The following ZBTB4 variants were observed in gnomAD, a reference collection of about 807,000 sequenced individuals.
ZBTB4 encodes the protein zinc finger and BTB domain containing 4, also known as zinc finger and BTB domain-containing protein 4.
ZBTB4 carries 14 observed loss-of-function variants against 59.8 expected under a neutral mutation model. The ratio of observed to expected loss-of-function variants is 0.23; its 90% CI spans 0.15 to 0.37. ZBTB4 has a LOEUF of 0.37. Among genes scored for constraint, ZBTB4 ranks in the 10% least tolerant of loss-of-function variants. ZBTB4 has a pLI of 1.00. For synonymous variants in ZBTB4, 587 were observed against 575.2 expected (o/e 1.02, Z -0.29); for missense variants, 1,198 against 1,380.8 (o/e 0.87, Z 2.10).
At chr17:7,481,428 C>T, upstream of ZBTB4, 2 of 1,375,356 alleles carry the variant, frequency 1.5e-6, no homozygotes, top group Non-Finnish European at 1.9e-6. Flanking sequence ...GGAAGAACCC[C>T]ACCCCCACTC....
At chr17:7,472,665 G>A (rs2070214760) in intron 1 of ZBTB4, among the ~76,000 whole-genome samples, 1 of 88,372 alleles carries the variant, frequency 1.1e-5, no homozygotes, top group Non-Finnish European at 2.0e-5. Context: ...TTTTTGAGAT[G>A]AGGTCTCACT....
chr17:7,481,581 C>T (rs1268552266), upstream of ZBTB4: 3 of 1,243,804 alleles, frequency 2.4e-6, no homozygotes, highest in South Asian at 1.6e-5. Context: ...CTCCATTTCC[C>T]CTCCTTTCCT....
In ZBTB4 at chr17:7,461,022, CAG is replaced by C. The variant is rs1304869550; in HGVS notation, c.*916_*917del. On this transcript the variant is annotated 3_prime_UTR_variant, in exon 4 of 4. Transcript: ENST00000380599. ...GGGAGAAACCATCAGGAAAAAAAAA[CAG>C]GGAGAAAGTAGATTCCCTTCTCCAT... is the stretch of plus-strand genomic sequence containing the variant. 1.3e-5 allele frequency: 2 copies of C among 152,582 alleles called. No homozygotes were observed. Among genetic ancestry groups the C allele is most frequent in the Non-Finnish European group, 2.9e-5 (2 of 68,040 alleles). The allele number at this position is 152,582 out of a possible 1,614,324, so 9.5% of individuals were successfully genotyped here.
chr17:7,478,800 T>A (rs963495975), intron 1 of ZBTB4, among the ~76,000 whole-genome samples: 3 of 152,162 alleles, frequency 2.0e-5, no homozygotes, highest in Non-Finnish European at 4.4e-5. Context: ...CTGGACACCC[T>A]TCCTGGCTTT....
upstream of ZBTB4, chr17:7,484,131 A>G (rs886626830): frequency 1.3e-5 from 2 of 152,546 alleles, no homozygotes; most frequent in East Asian, 1.9e-4. Flanking sequence ...TCAAACCTTA[A>G]GCCTCAGTGC....
Position 7,462,016 on chromosome 17 carries a change from A to G in ZBTB4, c.2966T>C (p.Leu989Pro), listed in dbSNP as rs1322789566. 1 of 1,603,274 alleles carries G rather than the reference A, an allele frequency of 6.2e-7. No individual in the cohort carries two copies. Among genetic ancestry groups the G allele is most frequent in the East Asian group, 2.2e-5 (1 of 44,798 alleles). The change falls in exon 4 of 4, where the codon CTT becomes CCT. Residue 989 changes from leucine (L) to proline (P), a missense_variant. Around this residue, in one of 9 missense-constraint regions of ZBTB4, gnomAD observed 211 missense variants for 236.1 expected, o/e 0.89. Coordinates refer to ENST00000380599, the MANE Select transcript of ZBTB4 (RefSeq NM_001128833.2). The surrounding 1 kb of genome is among the most constrained non-coding windows in gnomAD (Gnocchi z 7.5). ...TCCCTTAGGGGGAATTGGTGGAGGAAGAGTTGGGGGAGGTGGTGTTGGTGG... is the reference window on the plus strand; with the variant it reads ...TCCCTTAGGGGGAATTGGTGGAGGAGGAGTTGGGGGAGGTGGTGTTGGTGG... ...PAPPTPPPPTLPPPIPPKGEG... is the reference protein window; with the variant it reads ...PAPPTPPPPTPPPPIPPKGEG...
intron 1 of ZBTB4, among the ~76,000 whole-genome samples, chr17:7,478,070 C>A (rs1188821169): frequency 1.3e-5 from 2 of 152,128 alleles, no homozygotes; most frequent in Non-Finnish European, 2.9e-5. Context: ...GGCAGGCACG[C>A]ACACACAGCC....
At chr17:7,483,323 G>C (rs1482346192), upstream of ZBTB4, 1 of 456,862 alleles carries the variant, frequency 2.2e-6, no homozygotes, top group Non-Finnish European at 4.0e-6. Flanking sequence ...GCAAAGAGAA[G>C]AGCATTGGGG....
In ZBTB4 at chr17:7,461,304, G is replaced by C. The variant is rs1567682523; in HGVS notation, c.*636C>G. ...ACCTGGCTTGGGAGAGGCCATCTCCGAAGTCCAGGAATATGGGGAGGAACA... is the reference window on the plus strand; with the variant it reads ...ACCTGGCTTGGGAGAGGCCATCTCCCAAGTCCAGGAATATGGGGAGGAACA... On this transcript the variant is annotated 3_prime_UTR_variant, in exon 4 of 4. Transcript: ENST00000380599. The C allele has an allele frequency of 6.5e-6, 1 of 152,710 alleles. No individual in the cohort carries two copies. Among genetic ancestry groups the C allele is most frequent in the African/African-American group, 2.4e-5 (1 of 41,456 alleles). The allele number at this position is 152,710 out of a possible 1,614,324, so 9.5% of individuals were successfully genotyped here.
chr17:7,481,393 T>A (rs2070343297), upstream of ZBTB4: 3 of 1,290,786 alleles, frequency 2.3e-6, no homozygotes, highest in Non-Finnish European at 3.0e-6. Flanking sequence ...AAAATAGGCG[T>A]GCTACCACCT....
In ZBTB4 at chr17:7,460,350, C is replaced by T. The variant is rs2070003138; in HGVS notation, c.*1590G>A. 1 of 152,640 alleles carries T rather than the reference C, an allele frequency of 6.6e-6. No individual in the cohort carries two copies. The highest frequency in any genetic ancestry group is 1.5e-5 in the Non-Finnish European group (1 of 68,050). 9.5% of individuals were successfully genotyped at this position (152,640 alleles called of 1,614,324 possible). ...GAGGGGTAGGAGGATGGTCCTGGCC[C>T]TCCCTAAACTCACCTCCCTCCAAAA... On this transcript the variant is annotated 3_prime_UTR_variant, in exon 4 of 4. Coordinates refer to ENST00000380599, the MANE Select transcript of ZBTB4 (RefSeq NM_001128833.2).
chr17:7,474,688 G>A (rs2070245367), intron 1 of ZBTB4, among the ~76,000 whole-genome samples: 1 of 152,090 alleles, frequency 6.6e-6, no homozygotes, highest in Non-Finnish European at 1.5e-5. Flanking sequence ...GGACTGAGTT[G>A]GCCTGGAGAT....
rs1179894440 is a variant in ZBTB4, at chr17:7,459,741, AT to A, written c.*2198del. On this transcript the variant is annotated 3_prime_UTR_variant, in exon 4 of 4. Coordinates refer to ENST00000380599, the MANE Select transcript of ZBTB4 (RefSeq NM_001128833.2). ...CTCATTTGTTGCCCAGAACCACCACATTCTGGAAGCTATTTTCCTTGATCAT... is the reference window on the plus strand; with the variant it reads ...CTCATTTGTTGCCCAGAACCACCACATCTGGAAGCTATTTTCCTTGATCAT... 1 of 152,452 alleles carries A rather than the reference AT, an allele frequency of 6.6e-6. No individual in the cohort carries two copies. Among genetic ancestry groups the A allele is most frequent in the African/African-American group, 2.4e-5 (1 of 41,358 alleles). 9.4% of individuals were successfully genotyped at this position (152,452 alleles called of 1,614,324 possible). A position where few individuals can be genotyped will look rare whatever the true frequency, so the allele number is the denominator to read the frequency against.
rs1235791160 is a variant in ZBTB4 at position 7,467,179 on chromosome 17, G to A, written c.-10+78C>T. On this transcript the variant is annotated intron_variant, in intron 2 of 3. Transcript: ENST00000380599. ...CCATTTCACAGAACTCCCCAGCCTAGACAAAATGGCCGCCCCTGCTGGCCT... is the reference window on the plus strand; with the variant it reads ...CCATTTCACAGAACTCCCCAGCCTAAACAAAATGGCCGCCCCTGCTGGCCT... 3 of 1,054,826 alleles carry A rather than the reference G, an allele frequency of 2.8e-6. No homozygotes were observed. The African/African-American group carries it at 5.0e-5, about 18-fold the overall frequency. The allele number at this position is 1,054,826 out of a possible 1,614,324, so 65.3% of individuals were successfully genotyped here.
At position 7,463,134 on chromosome 17, in the gene ZBTB4, G is replaced by A; in HGVS notation, c.1848C>T (p.Arg616=). The A allele has an allele frequency of 6.2e-7, 1 of 1,608,576 alleles. No individual in the cohort carries two copies. The stretch of plus-strand genomic sequence containing the variant: ...GACGCAGGTCAGTCTCTGAGATGCG[G>A]CGCTTGACGATGGCCTCCTCCCCTA... The part of the protein sequence containing the change: ...VRIGEEAIVK[R]RISETDLRPG... The change falls in exon 4 of 4, where the codon CGC becomes CGT. Residue 616 remains arginine (R), a synonymous_variant. Transcript: ENST00000380599.
upstream of ZBTB4, chr17:7,482,309 C>T (rs778084514): frequency 1.9e-6 from 3 of 1,614,052 alleles, no homozygotes; most frequent in South Asian, 3.3e-5. Flanking sequence ...CTTCTATGCC[C>T]TGCTCAACGT....
Position 7,467,266 on chromosome 17 carries a change from C to G in ZBTB4, c.-19G>C. The G allele has an allele frequency of 1.0e-6, 1 of 991,506 alleles. No homozygotes were observed. The highest frequency in any genetic ancestry group is 1.7e-5 in the African/African-American group (1 of 57,590). The allele number at this position is 991,506 out of a possible 1,614,324, so 61.4% of individuals were successfully genotyped here. On this transcript the variant is annotated 5_prime_UTR_variant, in exon 2 of 4. Transcript: ENST00000380599. ...CTGGGTACCTTCTCACCTGAGAGCA[C>G]AGCCAACATGGAGTGGGGCGGGGGG...
chr17:7,464,114 A>G (rs986008700), intron 3 of ZBTB4, among the ~76,000 whole-genome samples: 1 of 152,194 alleles, frequency 6.6e-6, no homozygotes, highest in African/African-American at 2.4e-5. Flanking sequence ...GACGCAGCCT[A>G]ACTCACGGAG....
intron 1 of ZBTB4, among the ~76,000 whole-genome samples, chr17:7,475,456 ACAGCCAC>A (rs1158022135): frequency 1.3e-5 from 2 of 152,042 alleles, no homozygotes; most frequent in Non-Finnish European, 2.9e-5. Context: ...TATTCTCAGT[ACAGCCAC>A]CCACAATAGG....
Sources: allele counts gnomAD v4.1 joint callset (sites outside exome capture counted in the v4.1 genomes callset), GRCh38; gene constraint gnomAD v4.1.1; regional missense constraint gnomAD v4.1.1; non-coding constraint Gnocchi (gnomAD v3.1); transcripts MANE v1.5; gene names NCBI Gene and HGNC (gene_info 2026-07-23, HGNC 2026-07-21).